OR56A3: variants seen among roughly 807,000 people sequenced by gnomAD.
The protein encoded by OR56A3 is olfactory receptor 56A3.
A neutral mutation model predicts 17.5 loss-of-function variants in OR56A3; 23 were observed. That is an observed-to-expected ratio of 1.32 (90% confidence interval 0.95 to 1.87). The LOEUF (loss-of-function observed/expected upper bound fraction) is 1.87, where lower values mean the gene tolerates loss of function less well. Among genes scored for constraint, OR56A3 ranks in the 40% most tolerant of loss-of-function variants. OR56A3 has a pLI of 0.00. For missense variants in OR56A3, 366 were observed against 380.1 expected, an observed-to-expected ratio of 0.96 and a Z score of 0.31; for synonymous variants, 175 against 150.6, an observed-to-expected ratio of 1.16 and a Z score of -1.19.
At chr11:5,993,772 T>C in the OR56A3 span, 1 of 235,580 alleles carries the variant, frequency 4.2e-6, no homozygotes, top group Non-Finnish European at 8.5e-6. Flanking sequence ...TTACTCAGCA[T>C]ATCTAAAGTA....
At chr11:5,987,775 C>T in the OR56A3 span, among the ~76,000 whole-genome samples, 1 of 152,094 alleles carries the variant, frequency 6.6e-6, no homozygotes, top group East Asian at 1.9e-4. Context: ...TCTTCTCAAC[C>T]CCCAATATCA....
rs1847900782 is a variant in OR56A3, at chr11:5,950,372, G to A, written c.*2078G>A. 6.6e-6 allele frequency: 1 copy of A among 152,008 alleles called. No homozygotes were observed. Among genetic ancestry groups the A allele is most frequent in the Non-Finnish European group, 1.5e-5 (1 of 67,948 alleles). 9.4% of individuals were successfully genotyped at this position (152,008 alleles called of 1,614,324 possible). A position where few individuals can be genotyped will look rare whatever the true frequency, so the allele number is the denominator to read the frequency against. ...GTCTTCCCAAAGAACATGGTAAAAA[G>A]TTCATATTTTAAAAGTATTTGCCTG... On this transcript the variant is annotated 3_prime_UTR_variant, in exon 3 of 3. Coordinates refer to ENST00000641160, the MANE Select transcript of OR56A3 (RefSeq NM_001003443.3).
chr11:5,987,158 G>A, the OR56A3 span, among the ~76,000 whole-genome samples: 1 of 152,194 alleles, frequency 6.6e-6, no homozygotes, highest in East Asian at 1.9e-4. Flanking sequence ...CTTTTGGAGA[G>A]ATGCTTAAAC....
the OR56A3 span, among the ~76,000 whole-genome samples, chr11:5,990,382 C>T: frequency 6.6e-6 from 1 of 152,188 alleles, no homozygotes. Flanking sequence ...CCTCGATATT[C>T]CTCACCTTAA....
the OR56A3 span, among the ~76,000 whole-genome samples, chr11:6,014,044 A>T: frequency 6.6e-6 from 1 of 152,190 alleles, no homozygotes; most frequent in African/African-American, 2.4e-5. Context: ...GAATCAGCCC[A>T]TCTCAACTTG....
the OR56A3 span, chr11:6,002,018 C>A: frequency 6.7e-7 from 1 of 1,493,362 alleles, no homozygotes; most frequent in Non-Finnish European, 8.9e-7. Flanking sequence ...TAACAATTAA[C>A]AACTCTAAAG....
At position 5,947,640 on chromosome 11, in the gene OR56A3, C is replaced by T. The variant is rs772380308; in HGVS notation, c.294C>T (p.Phe98=). 6.2e-7 allele frequency: 1 copy of T among 1,614,220 alleles called. No individual in the cohort carries two copies. Among genetic ancestry groups the T allele is most frequent in the Middle Eastern group, 1.6e-4 (1 of 6,062 alleles). Residue 98 remains phenylalanine, a synonymous_variant, in exon 3 of 3, where the codon TTC becomes TTT. Coordinates refer to ENST00000641160, the MANE Select transcript of OR56A3 (RefSeq NM_001003443.3). The stretch of plus-strand genomic sequence containing the variant: ...GGTTTGACCTCAGGCCCATCAGCTT[C>T]CCTGCCTGCTTCCTCCAGATGTACA... The part of the protein sequence containing the change: ...IFWFDLRPIS[F]PACFLQMYIM...
the OR56A3 span, chr11:6,003,058 A>C: frequency 1.1e-5 from 17 of 1,613,772 alleles, no homozygotes; most frequent in African/African-American, 2.3e-4. Context: ...GTACAGAAAC[A>C]TAAAAAGTAC....
At chr11:5,954,186 A>G (rs1847921997), downstream of OR56A3, among the ~76,000 whole-genome samples, 1 of 152,200 alleles carries the variant, frequency 6.6e-6, no homozygotes, top group African/African-American at 2.4e-5. Flanking sequence ...TGTGAGAACC[A>G]GCACAACTAA....
the OR56A3 span, among the ~76,000 whole-genome samples, chr11:5,973,816 C>T: frequency 6.6e-6 from 1 of 152,126 alleles, no homozygotes; most frequent in Non-Finnish European, 1.5e-5. Context: ...ATAATAGTAG[C>T]CACCTGAAGG....
chr11:5,951,096 GAGA>G lies in OR56A3; in HGVS notation c.*2806_*2808del, dbSNP rs1847905124. 6.6e-6 allele frequency: 1 copy of G among 152,036 alleles called. No individual in the cohort carries two copies. The highest frequency in any genetic ancestry group is 1.5e-5 in the Non-Finnish European group (1 of 67,962). 9.4% of individuals were successfully genotyped at this position (152,036 alleles called of 1,614,324 possible). A position where few individuals can be genotyped will look rare whatever the true frequency, so the allele number is the denominator to read the frequency against. On this transcript the variant is annotated 3_prime_UTR_variant, in exon 3 of 3. Transcript: ENST00000641160. ...AGTGCTAAATCTTGGAAACCAAGGT[GAGA>G]AGATTTATTTTTAAAAGAAGTTTTA...
the OR56A3 span, among the ~76,000 whole-genome samples, chr11:5,987,519 T>C: frequency 1.3e-5 from 2 of 152,206 alleles, no homozygotes; most frequent in African/African-American, 4.8e-5. Context: ...TATAAATCCA[T>C]TTTTCCATTT....
chr11:5,967,532 A>C, the OR56A3 span: 1 of 1,476,264 alleles, frequency 6.8e-7, no homozygotes, highest in Non-Finnish European at 9.1e-7. Flanking sequence ...TTTCAAGGTC[A>C]GGTTGCATTC....
At chr11:6,018,132 A>G in the OR56A3 span, among the ~76,000 whole-genome samples, 36 of 152,216 alleles carry the variant, frequency 2.4e-4, no homozygotes, top group Non-Finnish European at 4.3e-4. Flanking sequence ...ATACACACCA[A>G]TACAATAATA....
chr11:5,966,662 G>T, the OR56A3 span, among the ~76,000 whole-genome samples: 19 of 152,140 alleles, frequency 1.2e-4, no homozygotes, highest in African/African-American at 4.1e-4. Context: ...CACTAATTCA[G>T]ATGTCTGGAT....
At chr11:5,975,540 T>C in the OR56A3 span, among the ~76,000 whole-genome samples, 1 of 152,056 alleles carries the variant, frequency 6.6e-6, no homozygotes, top group African/African-American at 2.4e-5. Context: ...CATGAACTCA[T>C]CATTTTTTAT....
At chr11:5,967,425 T>G in the OR56A3 span, 3 of 684,852 alleles carry the variant, frequency 4.4e-6, no homozygotes, top group Non-Finnish European at 7.3e-6. Flanking sequence ...TATAATCAAT[T>G]GAAACACTGA....
the OR56A3 span, among the ~76,000 whole-genome samples, chr11:6,008,519 G>T: frequency 6.6e-6 from 1 of 151,984 alleles, no homozygotes; most frequent in South Asian, 2.1e-4. Context: ...ATCATGGGAA[G>T]GTTGGGAAGA....
At chr11:5,991,607 A>G in the OR56A3 span, among the ~76,000 whole-genome samples, 1 of 152,156 alleles carries the variant, frequency 6.6e-6, no homozygotes, top group African/African-American at 2.4e-5. Flanking sequence ...TGGGAGAGCC[A>G]CACTACACAA....
Sources: gnomAD v4.1 joint callset for allele counts (sites outside exome capture counted in the v4.1 genomes callset) on GRCh38, gnomAD v4.1.1 for gene constraint, MANE v1.5 for transcripts, NCBI Gene and HGNC (gene_info 2026-07-23, HGNC 2026-07-21) for gene names.